Variants in TRPC4 observed in about 807,000 individuals in gnomAD.
The protein encoded by TRPC4 is short transient receptor potential channel 4.
Under a neutral mutation model 99.4 loss-of-function variants are expected in TRPC4, and 49 were observed. That is an observed-to-expected ratio of 0.49 (90% CI 0.39 to 0.63). The LOEUF is 0.63. Among genes scored for constraint, TRPC4 ranks in the 20% least tolerant of loss-of-function variants. TRPC4 has a pLI of 0.00. For synonymous variants in TRPC4, 454 were observed against 425.9 expected, an observed-to-expected ratio of 1.07 and a Z score of -0.81; for missense variants, 898 against 1,152.9, an observed-to-expected ratio of 0.78 and a Z score of 3.20.
intron 3 of TRPC4, among the ~76,000 whole-genome samples, chr13:37,692,835 A>G (rs192602921): frequency 3.9e-5 from 6 of 152,328 alleles, no homozygotes; most frequent in Admixed American, 3.9e-4. Context: ...AAGCAAATGA[A>G]CTTTTCTTTA....
In TRPC4 at chr13:37,753,600, AG is replaced by A. The variant is rs1247965537; in HGVS notation, c.379-7146del. 2.8e-3 allele frequency among the ~76,000 whole-genome samples: 390 copies of A among 140,948 alleles called. 2 individuals carry two copies. Among genetic ancestry groups the A allele is most frequent in the African/African-American group, 9.4e-3 (379 of 40,188 alleles). The allele number at this position is 140,948 out of a possible 152,430, so 92.5% of individuals were successfully genotyped here. A position where few individuals can be genotyped will look rare whatever the true frequency, so the allele number is the denominator to read the frequency against. ...AAGAGAGAGAGAGAGAGAGAGAGAGAGAGAGAGAAAGAAAGAAAGAGAACAC... is the reference window on the plus strand; with the variant it reads ...AAGAGAGAGAGAGAGAGAGAGAGAGAAGAGAGAAAGAAAGAAAGAGAACAC... On this transcript the variant is annotated intron_variant, in intron 2 of 10. Coordinates refer to ENST00000379705, the MANE Select transcript of TRPC4 (RefSeq NM_016179.4).
At chr13:37,739,429 T>C (rs1423269771) in intron 3 of TRPC4, among the ~76,000 whole-genome samples, 1 of 152,108 alleles carries the variant, frequency 6.6e-6, no homozygotes, top group Admixed American at 6.6e-5. Context: ...CTCTCATGTT[T>C]CTCTCAGTAA....
intron 1 of TRPC4, among the ~76,000 whole-genome samples, chr13:37,858,304 T>C (rs566846064): frequency 2.0e-5 from 3 of 151,836 alleles, no homozygotes; most frequent in South Asian, 4.1e-4. Flanking sequence ...GGAACCCTCA[T>C]ACATTGTGGG....
chr13:37,855,341 T>G (rs914391238), intron 1 of TRPC4, among the ~76,000 whole-genome samples: 10 of 148,474 alleles, frequency 6.7e-5, no homozygotes, highest in African/African-American at 2.5e-4. Context: ...AATGTAGATA[T>G]ATATATATAT....
intron 3 of TRPC4, among the ~76,000 whole-genome samples, chr13:37,737,631 G>C (rs1409252442): frequency 6.6e-6 from 1 of 151,934 alleles, no homozygotes; most frequent in East Asian, 1.9e-4. Context: ...ATGCCACCAT[G>C]CCCAGCTAAA....
intron 2 of TRPC4, among the ~76,000 whole-genome samples, chr13:37,765,021 T>C (rs1191374030): frequency 6.6e-6 from 1 of 151,316 alleles, no homozygotes; most frequent in African/African-American, 2.4e-5. Flanking sequence ...TTATAAATAT[T>C]TGTGAAAGAT....
intron 4 of TRPC4, among the ~76,000 whole-genome samples, chr13:37,687,691 T>A (rs1953533406): frequency 6.6e-6 from 1 of 152,116 alleles, no homozygotes; most frequent in Admixed American, 6.5e-5. Context: ...AAACCCTAAA[T>A]AAGTTAAGAG....
intron 2 of TRPC4, among the ~76,000 whole-genome samples, chr13:37,782,540 G>A (rs1956867163): frequency 6.6e-6 from 1 of 151,876 alleles, no homozygotes. Context: ...CAGGCAAGCA[G>A]GTTAAATAGG....
At chr13:37,810,888 G>A (rs9576360) in intron 1 of TRPC4, among the ~76,000 whole-genome samples, 43,216 of 150,416 alleles carry the variant, frequency 0.29, 6,397 homozygotes, top group East Asian at 0.43. Flanking sequence ...AACTGATCTC[G>A]AAATTTTTTG....
intron 1 of TRPC4, among the ~76,000 whole-genome samples, chr13:37,854,173 G>A (rs1265425847): frequency 1.3e-5 from 2 of 152,082 alleles, no homozygotes; most frequent in African/African-American, 4.8e-5. Flanking sequence ...TATCCTAAAA[G>A]CAGCAAGAGA....
At chr13:37,720,466 T>C (rs148607709) in intron 3 of TRPC4, among the ~76,000 whole-genome samples, 8 of 152,202 alleles carry the variant, frequency 5.3e-5, no homozygotes, top group African/African-American at 1.9e-4. Flanking sequence ...AGTAGTAGTA[T>C]TATTTTGCTT....
chr13:37,827,553 T>C (rs1958270591), intron 1 of TRPC4, among the ~76,000 whole-genome samples: 1 of 152,146 alleles, frequency 6.6e-6, no homozygotes, highest in South Asian at 2.1e-4. Flanking sequence ...AGTGTGCCCC[T>C]GCTGGGGGGT....
rs184398898 is a variant in TRPC4 at position 37,857,011 on chromosome 13, C to A, written c.-28+12584G>T. ...GACAAGGATGCCCGCTTTCATAACT[C>A]TTATTCAACATAGTACCTAAAGATT... On this transcript the variant is annotated intron_variant, in intron 1 of 10. Transcript: ENST00000379705. 6.2e-3 allele frequency among the ~76,000 whole-genome samples: 933 copies of A among 151,432 alleles called. 5 individuals carry two copies. Among genetic ancestry groups the A allele is most frequent in the African/African-American group, 0.021 (879 of 41,434 alleles).
At chr13:37,680,294 T>C (rs1287786956) in intron 4 of TRPC4, among the ~76,000 whole-genome samples, 1 of 152,162 alleles carries the variant, frequency 6.6e-6, no homozygotes, top group Non-Finnish European at 1.5e-5. Context: ...ATTTAGCAAA[T>C]GCATTTCAAG....
At position 37,832,109 on chromosome 13, in the gene TRPC4, G is replaced by A. The variant is rs1298657; in HGVS notation, c.-28+37486C>T. 7.6e-3 allele frequency among the ~76,000 whole-genome samples: 1,157 copies of A among 152,156 alleles called. 13 individuals carry two copies. The highest frequency in any genetic ancestry group is 0.027 in the African/African-American group (1,101 of 41,478). ...ATTGATTAGCCTGCTCAAACATTCC[G>A]CAAGGTATATTTGTAACACAACATT... On this transcript the variant is annotated intron_variant, in intron 1 of 10. Coordinates refer to ENST00000379705, the MANE Select transcript of TRPC4 (RefSeq NM_016179.4).
At chr13:37,732,310 T>C (rs996060498) in intron 3 of TRPC4, among the ~76,000 whole-genome samples, 4 of 151,810 alleles carry the variant, frequency 2.6e-5, no homozygotes, top group African/African-American at 9.7e-5. Context: ...GAAGAAAGAG[T>C]AGGATCTAGT....
rs200995988 is a variant in TRPC4 at position 37,824,605 on chromosome 13, G to A, written c.-27-41245C>T. 8.9e-3 allele frequency among the ~76,000 whole-genome samples: 1,351 copies of A among 152,066 alleles called. 36 individuals are homozygous for A. The East Asian group carries it at 0.1, about 11-fold the overall frequency. ...GATTTGCGTATATTGAACCAGCCTT[G>A]CATCCCAGGGATGAAGCCCACTTGA... is the stretch of plus-strand genomic sequence containing the variant. On this transcript the variant is annotated intron_variant, in intron 1 of 10. Coordinates refer to ENST00000379705, the MANE Select transcript of TRPC4 (RefSeq NM_016179.4).
At chr13:37,812,947 C>T (rs1957745238) in intron 1 of TRPC4, among the ~76,000 whole-genome samples, 2 of 151,746 alleles carry the variant, frequency 1.3e-5, no homozygotes, top group African/African-American at 4.8e-5. Flanking sequence ...CAACTAACTT[C>T]TCATTGGAAA....
At position 37,637,206 on chromosome 13, in the gene TRPC4, T is replaced by C; in HGVS notation, c.2631A>G (p.Ala877=). Residue 877 remains alanine, a synonymous_variant, in exon 11 of 11, where the codon GCA becomes GCG. Coordinates refer to ENST00000379705, the MANE Select transcript of TRPC4 (RefSeq NM_016179.4). ...GTTGAATATTTCTCTCAAGTGGTCC[T>C]GCAGCCTGTTGACGAGCAACTTCTT... The part of the protein sequence containing the change: ...VSEEVARQQA[A]GPLERNIQLE... The C allele has an allele frequency of 6.2e-7, 1 of 1,613,966 alleles. No homozygotes were observed. Among genetic ancestry groups the C allele is most frequent in the Non-Finnish European group, 8.5e-7 (1 of 1,179,894 alleles).
Sources: gnomAD v4.1 joint callset for allele counts (sites outside exome capture counted in the v4.1 genomes callset) on GRCh38, gnomAD v4.1.1 for gene constraint, MANE v1.5 for transcripts, NCBI Gene and HGNC (gene_info 2026-07-23, HGNC 2026-07-21) for gene names.